The following ANKHD1 variants were observed in gnomAD, a reference collection of about 807,000 sequenced individuals.
ANKHD1 encodes ankyrin repeat and KH domain containing 1, also known as ankyrin repeat and KH domain-containing protein 1.
Under a neutral mutation model 230.5 loss-of-function variants are expected in ANKHD1, and 31 were observed. The ratio of observed to expected loss-of-function variants is 0.13; its 90% CI spans 0.10 to 0.18. The LOEUF (loss-of-function observed/expected upper bound fraction) is 0.18. Ranked by LOEUF, ANKHD1 falls within the 10% of genes least tolerant of loss-of-function variation. The pLI is 1.00. For missense variants in ANKHD1, 2,256 were observed against 3,071.3 expected (o/e 0.73, Z 6.27); for synonymous variants, 1,074 against 1,117.6 (o/e 0.96, Z 0.78).
In ANKHD1 at chr5:140,502,176, A is replaced by G. The variant is rs535385910; in HGVS notation, c.3005-2645A>G. 2.0e-5 allele frequency among the ~76,000 whole-genome samples: 3 copies of G among 152,322 alleles called. No homozygotes were observed. The South Asian group carries it at 6.2e-4, about 32-fold the overall frequency. On this transcript the variant is annotated intron_variant, in intron 15 of 33. Coordinates refer to ENST00000360839, the MANE Select transcript of ANKHD1 (RefSeq NM_017747.3). ...ATATTTTAGAATTTATGAAAATGTCATAGTCTTGGTGTAATTTTCTCTTGA... is the reference window on the plus strand; with the variant it reads ...ATATTTTAGAATTTATGAAAATGTCGTAGTCTTGGTGTAATTTTCTCTTGA...
chr5:140,480,237 GAAAAT>G (rs758784996), intron 10 of ANKHD1, among the ~76,000 whole-genome samples: 2 of 151,954 alleles, frequency 1.3e-5, no homozygotes, highest in African/African-American at 2.4e-5. Context: ...TTATAGAGAG[GAAAAT>G]AAAATAGGTA....
intron 10 of ANKHD1, among the ~76,000 whole-genome samples, chr5:140,482,110 T>C (rs1751306448): frequency 6.6e-6 from 1 of 152,144 alleles, no homozygotes; most frequent in Admixed American, 6.5e-5. Context: ...TATATTTTTC[T>C]TCTTCATTTT....
chr5:140,527,169 G>C lies in ANKHD1; in HGVS notation c.5087+95G>C. 1 of 1,417,654 alleles carries C rather than the reference G, an allele frequency of 7.1e-7. No homozygotes were observed. The highest frequency in any genetic ancestry group is 9.3e-7 in the Non-Finnish European group (1 of 1,078,982). 87.8% of individuals were successfully genotyped at this position (1,417,654 alleles called of 1,614,324 possible). On this transcript the variant is annotated intron_variant, in intron 27 of 33. Transcript: ENST00000360839. This position sits in a 1 kb window ranked among gnomAD's most constrained non-coding sequence, Gnocchi z 4.5. ...GTTAATTAATGAATAATTTGAATGTGGTTATTATTTTAAACTGCATTGCCA... is the reference window on the plus strand; with the variant it reads ...GTTAATTAATGAATAATTTGAATGTCGTTATTATTTTAAACTGCATTGCCA...
chr5:140,452,493 A>C (rs538846352), intron 7 of ANKHD1, among the ~76,000 whole-genome samples: 22 of 152,308 alleles, frequency 1.4e-4, no homozygotes, highest in South Asian at 4.1e-4. Flanking sequence ...CTGACACCTC[A>C]CACGGCCGGG....
chr5:140,449,188 A>C (rs747565590), intron 6 of ANKHD1, 23 bp from the exon 7 acceptor site: 2 of 1,583,908 alleles, frequency 1.3e-6, no homozygotes, highest in South Asian at 2.3e-5. Context: ...AATTCTTTTA[A>C]AATTTTTGTT....
intron 30 of ANKHD1, 171 bp downstream of exon 30, chr5:140,535,709 T>G: frequency 1.0e-6 from 1 of 1,002,210 alleles, no homozygotes. Flanking sequence ...CATAGAAAAC[T>G]TGAGAATTAT....
chr5:140,538,776 C>T, intron 32 of ANKHD1, 143 bp from the exon 33 acceptor site: 1 of 1,008,256 alleles, frequency 9.9e-7, no homozygotes, highest in Non-Finnish European at 1.3e-6. Flanking sequence ...GTTTTCTCAA[C>T]ACTGCCATAC....
chr5:140,428,343 A>T (rs1772715952), intron 1 of ANKHD1, among the ~76,000 whole-genome samples: 1 of 152,360 alleles, frequency 6.6e-6, no homozygotes, highest in Non-Finnish European at 1.5e-5. Context: ...CAGCCTGGGC[A>T]CCATTGAGCA....
Position 140,485,759 on chromosome 5 carries a change from A to C in ANKHD1, c.2142+27A>C. On this transcript the variant is annotated intron_variant, in intron 13 of 33. Transcript: ENST00000360839. The surrounding 1 kb of genome is among the most constrained non-coding windows in gnomAD (Gnocchi z 4.8). ...TAAAGTAAAATGGAGCTTGTTTGTT[A>C]ATATAAATATTCTTCAACATGATTA... The C allele has an allele frequency of 6.2e-7, 1 of 1,606,194 alleles. No individual in the cohort carries two copies. Among genetic ancestry groups the C allele is most frequent in the South Asian group, 1.1e-5 (1 of 88,682 alleles).
At chr5:140,480,899 A>C (rs1435779931) in intron 10 of ANKHD1, among the ~76,000 whole-genome samples, 1 of 152,114 alleles carries the variant, frequency 6.6e-6, no homozygotes, top group Admixed American at 6.5e-5. Context: ...TTAGTTAAAT[A>C]TAATACTTAC....
At chr5:140,520,575 T>C (rs539175433) in intron 24 of ANKHD1, among the ~76,000 whole-genome samples, 3 of 151,964 alleles carry the variant, frequency 2.0e-5, no homozygotes, top group East Asian at 3.9e-4. Context: ...GTGGCACATA[T>C]ACACCATGGA....
intron 10 of ANKHD1, among the ~76,000 whole-genome samples, chr5:140,466,878 G>A (rs1481929450): frequency 6.6e-6 from 1 of 151,548 alleles, no homozygotes; most frequent in African/African-American, 2.4e-5. Context: ...AGGTTGCAGT[G>A]AGCTGAGATA....
In ANKHD1 at chr5:140,507,691, C is replaced by T. The variant is rs1752598939; in HGVS notation, c.3552-94C>T. ...AAATCTATTCATTGATGTTAGAAAC[C>T]TCTCTTTTTAGTGAAACCTTTTCAT... is the stretch of plus-strand genomic sequence containing the variant. On this transcript the variant is annotated intron_variant, in intron 19 of 33. Coordinates refer to ENST00000360839, the MANE Select transcript of ANKHD1 (RefSeq NM_017747.3). This position sits in a 1 kb window ranked among gnomAD's most constrained non-coding sequence, Gnocchi z 4.1. The T allele has an allele frequency of 7.1e-7, 1 of 1,414,238 alleles. No homozygotes were observed. The highest frequency in any genetic ancestry group is 9.6e-7 in the Non-Finnish European group (1 of 1,046,116). 87.6% of individuals were successfully genotyped at this position (1,414,238 alleles called of 1,614,324 possible).
At chr5:140,537,216 T>G in intron 30 of ANKHD1, 173 bp from the exon 31 acceptor site, 3 of 1,197,996 alleles carry the variant, frequency 2.5e-6, no homozygotes, top group Non-Finnish European at 3.3e-6. Flanking sequence ...TTGAATGTTC[T>G]TTTAAAATGA....
intron 29 of ANKHD1, 29 bp downstream of exon 29, chr5:140,529,825 G>A: frequency 1.2e-6 from 2 of 1,605,960 alleles, no homozygotes; most frequent in Non-Finnish European, 1.7e-6. Flanking sequence ...CTGCAGTTGA[G>A]TTTGGAGCTC....
rs1752068611 is a variant in ANKHD1, at chr5:140,497,074, C to G, written c.2800C>G (p.Gln934Glu). The G allele has an allele frequency of 6.2e-7, 1 of 1,614,058 alleles. No individual in the cohort carries two copies. The highest frequency in any genetic ancestry group is 2.2e-5 in the East Asian group (1 of 44,896). The change falls in exon 15 of 34, where the codon CAG becomes GAG. Residue 934 changes from glutamine (Q) to glutamate (E), a missense_variant. Around this residue, in one of 13 missense-constraint regions of ANKHD1, gnomAD observed 358 missense variants for 397.7 expected, o/e 0.90. Coordinates refer to ENST00000360839, the MANE Select transcript of ANKHD1 (RefSeq NM_017747.3). ...CCCAGTCCAGCCTTTATCATCTCCA[C>G]AGTGTAACTTTTCCAGTGACTTAGG... ...FVPVQPLSSP[Q>E]CNFSSDLGSN... is the part of the protein sequence containing the mutation.
rs758863274 is a variant in ANKHD1 at position 140,449,168 on chromosome 5, A to G, written c.1148-43A>G. ...CCATACCTCAATATTTAAATATTAA[A>G]CTGATAGTGAATTCTTTTAAAATTT... On this transcript the variant is annotated intron_variant, in intron 6 of 33. Transcript: ENST00000360839. The G allele has an allele frequency of 2.6e-6, 4 of 1,543,398 alleles. No homozygotes were observed. The East Asian group carries it at 7.3e-5, about 28-fold the overall frequency.
Position 140,485,660 on chromosome 5 carries a change from T to C in ANKHD1, c.2070T>C (p.Tyr690=). The change falls in exon 13 of 34, where the codon TAT becomes TAC. Residue 690 remains tyrosine, a synonymous_variant. Transcript: ENST00000360839. The surrounding 1 kb of genome is among the most constrained non-coding windows in gnomAD (Gnocchi z 4.8). ...ATGTAGTTTCTTATCTGTTGGATTA[T>C]CCAAATAATGTTCTGTCAGTTCCCA... ...HTNVVSYLLD[Y]PNNVLSVPTT... is the part of the protein sequence containing the mutation. 1 of 1,614,070 alleles carries C rather than the reference T, an allele frequency of 6.2e-7. No homozygotes were observed. Among genetic ancestry groups the C allele is most frequent in the Non-Finnish European group, 8.5e-7 (1 of 1,179,994 alleles).
intron 23 of ANKHD1, 85 bp downstream of exon 23, chr5:140,513,008 A>C (rs1223998535): frequency 7.5e-7 from 1 of 1,332,344 alleles, no homozygotes; most frequent in Non-Finnish European, 1.0e-6. Context: ...TGTTCTTTTT[A>C]TATTCTGAAA....
Sources: allele counts gnomAD v4.1 joint callset (sites outside exome capture counted in the v4.1 genomes callset), GRCh38; gene constraint gnomAD v4.1.1; regional missense constraint gnomAD v4.1.1; non-coding constraint Gnocchi (gnomAD v3.1); transcripts MANE v1.5; gene names NCBI Gene and HGNC (gene_info 2026-07-23, HGNC 2026-07-21).